Variants in ZNF804B observed in about 807,000 individuals in gnomAD.
ZNF804B encodes the protein zinc finger 804B.
ZNF804B carries 80 observed loss-of-function variants against 101.4 expected under a neutral mutation model. The ratio of observed to expected loss-of-function variants is 0.79; its 90% CI spans 0.66 to 0.95. The LOEUF (loss-of-function observed/expected upper bound fraction) is 0.95. ZNF804B is among the 40% of genes least tolerant of loss of function. ZNF804B has a pLI of 0.00. For missense variants in ZNF804B, 1,673 were observed against 1,561.9 expected, an observed-to-expected ratio of 1.07 and a Z score of -1.20; for synonymous variants, 622 against 558.8, an observed-to-expected ratio of 1.11 and a Z score of -1.59.
intron 1 of ZNF804B, among the ~76,000 whole-genome samples, chr7:89,083,409 T>C (rs1789726359): frequency 6.6e-6 from 1 of 151,704 alleles, no homozygotes; most frequent in African/African-American, 2.4e-5. Flanking sequence ...TGGTTCTGGG[T>C]TTCTGATCAT....
intron 2 of ZNF804B, among the ~76,000 whole-genome samples, chr7:89,308,229 G>A (rs78166232): frequency 6.6e-6 from 1 of 152,142 alleles, no homozygotes; most frequent in South Asian, 2.1e-4. Context: ...AAAAGACGAT[G>A]AATCTCTCAA....
At chr7:88,931,823 T>TA (rs1792891146) in intron 1 of ZNF804B, among the ~76,000 whole-genome samples, 1 of 151,852 alleles carries the variant, frequency 6.6e-6, no homozygotes, top group African/African-American at 2.4e-5. Flanking sequence ...ATGTTTTTTT[T>TA]AAAAAACTTC....
chr7:89,304,978 G>A (rs1042342731), intron 2 of ZNF804B, among the ~76,000 whole-genome samples: 1 of 151,914 alleles, frequency 6.6e-6, no homozygotes, highest in Non-Finnish European at 1.5e-5. Flanking sequence ...TATGCAAGAC[G>A]GACTTGCATT....
At chr7:89,222,479 C>A (rs375081363) in intron 2 of ZNF804B, among the ~76,000 whole-genome samples, 5 of 152,070 alleles carry the variant, frequency 3.3e-5, no homozygotes, top group African/African-American at 1.2e-4. Flanking sequence ...CCTAGGAAAT[C>A]TTTAGTGCTT....
chr7:88,841,055 C>T (rs1046003560), intron 1 of ZNF804B, among the ~76,000 whole-genome samples: 5 of 152,164 alleles, frequency 3.3e-5, no homozygotes, highest in African/African-American at 4.8e-5. Flanking sequence ...TCTTATCTAT[C>T]TTCTTTAACT....
rs77713844 is a variant in ZNF804B at position 89,322,344 on chromosome 7, A to G, written c.250-5000A>G. Among the ~76,000 whole-genome samples the G allele has an allele frequency of 7.0e-3, 1,059 of 152,296 alleles. 11 individuals carry two copies. Among genetic ancestry groups the G allele is most frequent in the African/African-American group, 0.024 (1,016 of 41,566 alleles). Reference sequence around the variant, plus strand: ...AAACGTTTCTACAACTATCTTAAAAACATTTATGAAACTGTCCAAGACCTG... The same window carrying G: ...AAACGTTTCTACAACTATCTTAAAAGCATTTATGAAACTGTCCAAGACCTG... On this transcript the variant is annotated intron_variant, in intron 2 of 3. Transcript: ENST00000333190.
chr7:89,089,361 A>T (rs532179982), intron 1 of ZNF804B, among the ~76,000 whole-genome samples: 38 of 151,826 alleles, frequency 2.5e-4, no homozygotes, highest in South Asian at 1.0e-3. Flanking sequence ...TTTCGGAAAA[A>T]TTTTTTTTCC....
chr7:89,118,691 A>G (rs1160769307), intron 1 of ZNF804B, among the ~76,000 whole-genome samples: 1 of 152,138 alleles, frequency 6.6e-6, no homozygotes, highest in Admixed American at 6.5e-5. Context: ...CTAACAAGCT[A>G]TTTGTTACTT....
chr7:88,823,233 C>G (rs762917603), intron 1 of ZNF804B, among the ~76,000 whole-genome samples: 7 of 151,782 alleles, frequency 4.6e-5, no homozygotes, highest in Non-Finnish European at 8.8e-5. Context: ...AACAAAAAAC[C>G]AATACATATA....
At chr7:88,797,769 C>G (rs551752675) in intron 1 of ZNF804B, among the ~76,000 whole-genome samples, 1 of 152,244 alleles carries the variant, frequency 6.6e-6, no homozygotes, top group Admixed American at 6.5e-5. Flanking sequence ...CAAGATAAGG[C>G]TAACCCCAGG....
intron 1 of ZNF804B, among the ~76,000 whole-genome samples, chr7:88,869,147 T>C (rs1255252043): frequency 1.3e-5 from 2 of 152,234 alleles, no homozygotes; most frequent in African/African-American, 2.4e-5. Flanking sequence ...TTACATGATA[T>C]CTTAGTAATA....
intron 1 of ZNF804B, among the ~76,000 whole-genome samples, chr7:88,867,969 A>G (rs1791757723): frequency 6.6e-6 from 1 of 152,022 alleles, no homozygotes; most frequent in Non-Finnish European, 1.5e-5. Flanking sequence ...ACTAATATAT[A>G]ATGTCTGTTA....
At chr7:89,025,230 T>C (rs1339861469) in intron 1 of ZNF804B, among the ~76,000 whole-genome samples, 1 of 152,136 alleles carries the variant, frequency 6.6e-6, no homozygotes, top group African/African-American at 2.4e-5. Flanking sequence ...TCATAGACTT[T>C]TTGCTCTTAT....
At chr7:89,219,893 GTA>G (rs1204643489) in intron 2 of ZNF804B, among the ~76,000 whole-genome samples, 7 of 97,652 alleles carry the variant, frequency 7.2e-5, no homozygotes, top group East Asian at 6.5e-4. Context: ...GTGTATATAT[GTA>G]TATATGTGTG....
chr7:88,974,760 A>G (rs79657700), intron 1 of ZNF804B, among the ~76,000 whole-genome samples: 4,946 of 151,450 alleles, frequency 0.033, 139 homozygotes, highest in Non-Finnish European at 0.053. Flanking sequence ...TTGGGTATCC[A>G]TCACCTCAAA....
intron 1 of ZNF804B, among the ~76,000 whole-genome samples, chr7:88,802,010 T>A (rs1267002597): frequency 6.6e-6 from 1 of 152,096 alleles, no homozygotes; most frequent in Admixed American, 6.6e-5. Context: ...GGGAGGTGAT[T>A]GGATCTTGGG....
At chr7:89,250,163 G>A (rs1789516928) in intron 2 of ZNF804B, among the ~76,000 whole-genome samples, 1 of 151,840 alleles carries the variant, frequency 6.6e-6, no homozygotes, top group African/African-American at 2.4e-5. Context: ...CTCCAGCCTG[G>A]GTGACAGAGC....
At chr7:88,885,592 G>A (rs1228040406) in intron 1 of ZNF804B, among the ~76,000 whole-genome samples, 1 of 149,802 alleles carries the variant, frequency 6.7e-6, no homozygotes, top group Non-Finnish European at 1.5e-5. Flanking sequence ...ACAACTATAA[G>A]CAATTACAAC....
At chr7:88,926,938 G>GCGGC (rs113089451) in intron 1 of ZNF804B, among the ~76,000 whole-genome samples, 26,383 of 142,188 alleles carry the variant, frequency 0.19, 2,971 homozygotes, top group East Asian at 0.44. Flanking sequence ...CCGGGTGGTG[G>GCGGC]GGAGCGGGGG....
Sources: allele counts gnomAD v4.1 joint callset (sites outside exome capture counted in the v4.1 genomes callset), GRCh38; gene constraint gnomAD v4.1.1; transcripts MANE v1.5; gene names NCBI Gene and HGNC (gene_info 2026-07-23, HGNC 2026-07-21).